The following ZZZ3 variants were observed in gnomAD, a reference collection of about 807,000 sequenced individuals.
The protein encoded by ZZZ3 is zinc finger ZZ-type containing 3, also known as ZZ-type zinc finger-containing protein 3.
A neutral mutation model predicts 95.2 loss-of-function variants in ZZZ3; 22 were observed. That is an observed-to-expected ratio of 0.23 (90% CI 0.17 to 0.33). The LOEUF (loss-of-function observed/expected upper bound fraction) is 0.33, where lower values mean the gene tolerates loss of function less well. Among genes scored for constraint, ZZZ3 ranks in the 10% least tolerant of loss-of-function variants. ZZZ3 has a pLI of 1.00. For missense variants in ZZZ3, 885 were observed against 1,066.5 expected (o/e 0.83, Z 2.37); for synonymous variants, 335 against 358.9 (o/e 0.93, Z 0.75).
intron 5 of ZZZ3, among the ~76,000 whole-genome samples, chr1:77,599,375 C>T (rs1343715834): frequency 6.6e-6 from 1 of 151,906 alleles, no homozygotes; most frequent in African/African-American, 2.4e-5. Context: ...GTTATGATTA[C>T]ATATGTAATC....
In ZZZ3 at chr1:77,603,028, GA is replaced by G. The variant is rs557247978; in HGVS notation, c.1506-18374del. The stretch of plus-strand genomic sequence containing the variant: ...AATAAAAATTGCCATATCTAGCAGT[GA>G]AAAAAAAAAACTTCTGAAAACCAGA... On this transcript the variant is annotated intron_variant, in intron 5 of 14. Coordinates refer to ENST00000370801, the MANE Select transcript of ZZZ3 (RefSeq NM_015534.6). Among the ~76,000 whole-genome samples, 420 of 142,212 alleles carry G rather than the reference GA, an allele frequency of 3.0e-3. 3 individuals are homozygous for G. The highest frequency in any genetic ancestry group is 9.3e-3 in the African/African-American group (362 of 38,940). The allele number at this position is 142,212 out of a possible 152,430, so 93.3% of individuals were successfully genotyped here.
rs145421575 is a variant in ZZZ3 at position 77,651,352 on chromosome 1, G to A, written c.-402-9697C>T. Among the ~76,000 whole-genome samples, 333 of 152,168 alleles carry A rather than the reference G, an allele frequency of 2.2e-3. 2 individuals carry two copies. Among genetic ancestry groups the A allele is most frequent in the African/African-American group, 7.7e-3 (319 of 41,514 alleles). On this transcript the variant is annotated intron_variant, in intron 1 of 14. Coordinates refer to ENST00000370801, the MANE Select transcript of ZZZ3 (RefSeq NM_015534.6). Reference sequence around the variant, plus strand: ...CAAGATCACGCCACTGCACCCCAGCGTGGGCGACAGAGAGAGAGAATCTGT... The same window carrying A: ...CAAGATCACGCCACTGCACCCCAGCATGGGCGACAGAGAGAGAGAATCTGT...
chr1:77,600,695 G>A (rs970734249), intron 5 of ZZZ3, among the ~76,000 whole-genome samples: 17 of 152,094 alleles, frequency 1.1e-4, no homozygotes, highest in Admixed American at 5.2e-4. Context: ...ATGCAGAAAC[G>A]TTTTTAGGCA....
At chr1:77,635,899 C>G (rs11162374) in intron 4 of ZZZ3, among the ~76,000 whole-genome samples, 1 of 151,148 alleles carries the variant, frequency 6.6e-6, no homozygotes, top group East Asian at 1.9e-4. Flanking sequence ...GAGCGAGACT[C>G]TGTCTCAAAA....
chr1:77,619,587 A>G (rs80117284), intron 5 of ZZZ3, among the ~76,000 whole-genome samples: 1 of 152,300 alleles, frequency 6.6e-6, no homozygotes, highest in East Asian at 1.9e-4. Flanking sequence ...CATATAAAAC[A>G]TTCTGATAAT....
chr1:77,590,496 G>A (rs1663576482), intron 5 of ZZZ3, among the ~76,000 whole-genome samples: 1 of 152,216 alleles, frequency 6.6e-6, no homozygotes, highest in Non-Finnish European at 1.5e-5. Flanking sequence ...TAATGACAAA[G>A]AGGAGGAGCT....
intron 1 of ZZZ3, among the ~76,000 whole-genome samples, chr1:77,653,583 G>GT (rs1367051955): frequency 3.3e-5 from 5 of 151,924 alleles, no homozygotes; most frequent in Admixed American, 1.3e-4. Flanking sequence ...GAGAAATCCT[G>GT]TATCTACTAA....
rs180886464 is a variant in ZZZ3 at position 77,594,952 on chromosome 1, T to A, written c.1506-10297A>T. Among the ~76,000 whole-genome samples the A allele has an allele frequency of 3.0e-4, 44 of 148,016 alleles. 2 individuals are homozygous for A. The highest frequency in any genetic ancestry group is 2.8e-3 in the Admixed American group (42 of 14,908). ...AAAAAAAAAAAAAAAAAAATTGTGG[T>A]CCTCTCAGCTGGATCATTAGCTTAC... On this transcript the variant is annotated intron_variant, in intron 5 of 14. Coordinates refer to ENST00000370801, the MANE Select transcript of ZZZ3 (RefSeq NM_015534.6).
At chr1:77,676,295 T>A (rs1371387134) in intron 1 of ZZZ3, among the ~76,000 whole-genome samples, 1 of 152,180 alleles carries the variant, frequency 6.6e-6, no homozygotes, top group Non-Finnish European at 1.5e-5. Context: ...TCCTCCACAG[T>A]AGCTGAAAGT....
At chr1:77,635,118 G>T (rs991324569) in intron 4 of ZZZ3, among the ~76,000 whole-genome samples, 1 of 152,106 alleles carries the variant, frequency 6.6e-6, no homozygotes, top group Non-Finnish European at 1.5e-5. Context: ...AAGAATTATA[G>T]AAGACACAGC....
At chr1:77,597,826 A>C (rs552584232) in intron 5 of ZZZ3, among the ~76,000 whole-genome samples, 1 of 152,238 alleles carries the variant, frequency 6.6e-6, no homozygotes, top group East Asian at 1.9e-4. Flanking sequence ...TCTGGAACAC[A>C]AAAAGGACAT....
chr1:77,661,905 C>A (rs1465256111), intron 1 of ZZZ3, among the ~76,000 whole-genome samples: 2 of 151,852 alleles, frequency 1.3e-5, no homozygotes, highest in African/African-American at 4.8e-5. Flanking sequence ...CAACCTTGAA[C>A]TCTTGGGCTC....
rs1268915401 is a variant in ZZZ3 at position 77,652,462 on chromosome 1, TAG to T, written c.-402-10809_-402-10808del. ...ACAAAAACATGTGTTGGCAAAGATG[TAG>T]AGTTATTTGCACCCTCATACATTGC... On this transcript the variant is annotated intron_variant, in intron 1 of 14. Coordinates refer to ENST00000370801, the MANE Select transcript of ZZZ3 (RefSeq NM_015534.6). Among the ~76,000 whole-genome samples, 5 of 152,176 alleles carry T rather than the reference TAG, an allele frequency of 3.3e-5. No individual in the cohort carries two copies. The East Asian group carries it at 5.8e-4, about 18-fold the overall frequency.
intron 1 of ZZZ3, among the ~76,000 whole-genome samples, chr1:77,678,991 C>T (rs959554976): frequency 1.3e-5 from 2 of 152,122 alleles, no homozygotes; most frequent in African/African-American, 4.8e-5. Flanking sequence ...CTCCTCAAGG[C>T]AAGTTAGTCA....
intron 1 of ZZZ3, among the ~76,000 whole-genome samples, chr1:77,665,061 G>C (rs556936695): frequency 6.6e-6 from 1 of 152,262 alleles, no homozygotes; most frequent in African/African-American, 2.4e-5. Context: ...TGTGCTATCA[G>C]CCAGACAGAA....
At chr1:77,593,016 G>C (rs1663869577) in intron 5 of ZZZ3, among the ~76,000 whole-genome samples, 1 of 152,218 alleles carries the variant, frequency 6.6e-6, no homozygotes, top group Non-Finnish European at 1.5e-5. Flanking sequence ...AGAGAGGACT[G>C]AGAGGCTGAG....
At chr1:77,602,550 A>C (rs1176515731) in intron 5 of ZZZ3, among the ~76,000 whole-genome samples, 1 of 151,966 alleles carries the variant, frequency 6.6e-6, no homozygotes, top group Non-Finnish European at 1.5e-5. Context: ...CATTAAGAAC[A>C]CTAAATAAGA....
chr1:77,681,347 G>T (rs1367169229), intron 1 of ZZZ3, among the ~76,000 whole-genome samples: 2 of 151,972 alleles, frequency 1.3e-5, no homozygotes, highest in African/African-American at 2.4e-5. Context: ...AACAAACTAT[G>T]AATAAATTAA....
At chr1:77,621,309 G>C (rs1247265298) in intron 5 of ZZZ3, among the ~76,000 whole-genome samples, 1 of 149,130 alleles carries the variant, frequency 6.7e-6, no homozygotes, top group Admixed American at 6.7e-5. Flanking sequence ...GAAGGAGCCT[G>C]TCTCTACAAA....
Sources: allele counts gnomAD v4.1 joint callset (sites outside exome capture counted in the v4.1 genomes callset), GRCh38; gene constraint gnomAD v4.1.1; transcripts MANE v1.5; gene names NCBI Gene and HGNC (gene_info 2026-07-23, HGNC 2026-07-21).